The following KCNQ1OT1 variants were observed in gnomAD, a reference collection of about 807,000 sequenced individuals.
The protein encoded by KCNQ1OT1 is KCNQ1 antisense RNA 2 (non-protein coding).
chr11:2,677,657 T>G lies in KCNQ1OT1; in HGVS notation n.22338A>C. Reference sequence around the variant, plus strand: ...TGTAACTCTAACAACTGTTATTGCATATGAGATAAAATAATATTTTAACTA... The same window carrying G: ...TGTAACTCTAACAACTGTTATTGCAGATGAGATAAAATAATATTTTAACTA... On this transcript the variant is annotated non_coding_transcript_exon_variant, in exon 1 of 1. Coordinates refer to ENST00000597346, the Ensembl canonical transcript of KCNQ1OT1. This position sits in a 1 kb window ranked among gnomAD's most constrained non-coding sequence, Gnocchi z 4.5. The G allele has an allele frequency of 5.0e-6, 2 of 398,640 alleles. No individual in the cohort carries two copies. The highest frequency in any genetic ancestry group is 4.4e-6 in the Non-Finnish European group (1 of 226,058). The allele number at this position is 398,640 out of a possible 1,614,324, so 24.7% of individuals were successfully genotyped here. A position where few individuals can be genotyped will look rare whatever the true frequency, so the allele number is the denominator to read the frequency against.
exon 1 of KCNQ1OT1, chr11:2,640,733 G>A (rs914590589): frequency 2.5e-6 from 1 of 398,014 alleles, no homozygotes; most frequent in Non-Finnish European, 4.4e-6. Context: ...ACATTATATT[G>A]TTAAATATAG....
exon 1 of KCNQ1OT1, chr11:2,699,259 C>T (rs988674271): frequency 1.0e-5 from 4 of 398,690 alleles, no homozygotes; most frequent in African/African-American, 6.2e-5. Flanking sequence ...CAGATGGGAG[C>T]GCACTGCCCA....
At chr11:2,688,423 C>A (rs995887020) in exon 1 of KCNQ1OT1, 5 of 398,630 alleles carry the variant, frequency 1.3e-5, no homozygotes, top group African/African-American at 1.0e-4. Flanking sequence ...AGGCACTGGG[C>A]CCCAGCCCCT....
In KCNQ1OT1 at chr11:2,663,634, A is replaced by C; in HGVS notation, n.36361T>G. 1 of 398,674 alleles carries C rather than the reference A, an allele frequency of 2.5e-6. No individual in the cohort carries two copies. Among genetic ancestry groups the C allele is most frequent in the Non-Finnish European group, 4.4e-6 (1 of 226,102 alleles). 24.7% of individuals were successfully genotyped at this position (398,674 alleles called of 1,614,324 possible). The stretch of plus-strand genomic sequence containing the variant: ...TCACGGACCAGCATCCAGACATGCA[A>C]AAAGTCCTACTGGGAGGAGAGGGCC... On this transcript the variant is annotated non_coding_transcript_exon_variant, in exon 1 of 1. Coordinates refer to ENST00000597346, the Ensembl canonical transcript of KCNQ1OT1. This position sits in a 1 kb window ranked among gnomAD's most constrained non-coding sequence, Gnocchi z 5.2.
Position 2,658,463 on chromosome 11 carries a change from C to T in KCNQ1OT1, n.41532G>A, listed in dbSNP as rs1590011995. The T allele has an allele frequency of 2.5e-6, 1 of 398,414 alleles. No individual in the cohort carries two copies. Among genetic ancestry groups the T allele is most frequent in the Non-Finnish European group, 4.4e-6 (1 of 226,028 alleles). 24.7% of individuals were successfully genotyped at this position (398,414 alleles called of 1,614,324 possible). A position where few individuals can be genotyped will look rare whatever the true frequency, so the allele number is the denominator to read the frequency against. On this transcript the variant is annotated non_coding_transcript_exon_variant, in exon 1 of 1. Transcript: ENST00000597346. This position sits in a 1 kb window ranked among gnomAD's most constrained non-coding sequence, Gnocchi z 4.9. ...GGTTCATGTGTCCTTTTGATGTGCC[C>T]CCCGCCATCCTTTTCATTTATTTTT...
At chr11:2,684,827 C>G (rs1850456241) in exon 1 of KCNQ1OT1, 2 of 398,642 alleles carry the variant, frequency 5.0e-6, no homozygotes, top group Non-Finnish European at 4.4e-6. Context: ...GTCTCCTAGT[C>G]AAGGCCTCCT....
In KCNQ1OT1 at chr11:2,626,925, G is replaced by A; in HGVS notation, n.73070C>T. The A allele has an allele frequency of 5.0e-6, 2 of 398,558 alleles. No individual in the cohort carries two copies. The allele number at this position is 398,558 out of a possible 1,614,324, so 24.7% of individuals were successfully genotyped here. A position where few individuals can be genotyped will look rare whatever the true frequency, so the allele number is the denominator to read the frequency against. ...TTCAAGGTCCCTTGAGATTCCATGT[G>A]AATTTTAGGATGGGGTTTCTTCTTT... On this transcript the variant is annotated non_coding_transcript_exon_variant, in exon 1 of 1. Transcript: ENST00000597346. This position sits in a 1 kb window ranked among gnomAD's most constrained non-coding sequence, Gnocchi z 4.0.
chr11:2,643,253 T>C (rs1021080183), exon 1 of KCNQ1OT1: 1 of 398,282 alleles, frequency 2.5e-6, no homozygotes. Context: ...ATACTGGAAA[T>C]GGAGAATTGA....
In KCNQ1OT1 at chr11:2,664,407, G is replaced by T. The variant is rs1176904450; in HGVS notation, n.35588C>A. 1.8e-5 allele frequency: 7 copies of T among 398,578 alleles called. No individual in the cohort carries two copies. Among genetic ancestry groups the T allele is most frequent in the Middle Eastern group, 1.2e-3 (2 of 1,610 alleles). The allele number at this position is 398,578 out of a possible 1,614,324, so 24.7% of individuals were successfully genotyped here. ...CCAGAGAGGCCTGAAGGGGAGAGTG[G>T]GCACGTACAGTGTCAGGGCCTAGGA... On this transcript the variant is annotated non_coding_transcript_exon_variant, in exon 1 of 1. Coordinates refer to ENST00000597346, the Ensembl canonical transcript of KCNQ1OT1. This position sits in a 1 kb window ranked among gnomAD's most constrained non-coding sequence, Gnocchi z 5.1.
chr11:2,691,399 G>A lies in KCNQ1OT1; in HGVS notation n.8596C>T, dbSNP rs1217132203. On this transcript the variant is annotated non_coding_transcript_exon_variant, in exon 1 of 1. Transcript: ENST00000597346. The surrounding 1 kb of genome is among the most constrained non-coding windows in gnomAD (Gnocchi z 6.4). Reference sequence around the variant, plus strand: ...CTCTGGGTCTGGGCATAGAAGCCCAGGAACTGCTGTCTGTGGGGAGTCCAC... The same window carrying A: ...CTCTGGGTCTGGGCATAGAAGCCCAAGAACTGCTGTCTGTGGGGAGTCCAC... The A allele has an allele frequency of 5.0e-6, 2 of 398,542 alleles. No homozygotes were observed. The highest frequency in any genetic ancestry group is 7.1e-5 in the East Asian group (2 of 28,082). 24.7% of individuals were successfully genotyped at this position (398,542 alleles called of 1,614,324 possible). A position where few individuals can be genotyped will look rare whatever the true frequency, so the allele number is the denominator to read the frequency against.
rs770867573 is a variant in KCNQ1OT1, at chr11:2,690,639, G to A, written n.9356C>T. 4.0e-5 allele frequency: 16 copies of A among 398,532 alleles called. No individual in the cohort carries two copies. Among genetic ancestry groups the A allele is most frequent in the Admixed American group, 4.0e-4 (9 of 22,718 alleles). 24.7% of individuals were successfully genotyped at this position (398,532 alleles called of 1,614,324 possible). Reference sequence around the variant, plus strand: ...CATGTTCATATATGTGTCAGAATGCGTATTTGTCAGTGTATGTGTGTCAGT... The same window carrying A: ...CATGTTCATATATGTGTCAGAATGCATATTTGTCAGTGTATGTGTGTCAGT... On this transcript the variant is annotated non_coding_transcript_exon_variant, in exon 1 of 1. Coordinates refer to ENST00000597346, the Ensembl canonical transcript of KCNQ1OT1. The surrounding 1 kb of genome is among the most constrained non-coding windows in gnomAD (Gnocchi z 5.1).
exon 1 of KCNQ1OT1, chr11:2,644,843 C>T: frequency 2.5e-6 from 1 of 398,634 alleles, no homozygotes; most frequent in Non-Finnish European, 4.4e-6. Context: ...GGGAGTTCCT[C>T]TGTAGTTTAG....
exon 1 of KCNQ1OT1, chr11:2,609,048 T>C (rs1257604562): frequency 2.5e-6 from 1 of 398,358 alleles, no homozygotes; most frequent in Admixed American, 4.4e-5. Context: ...TAATATTTAT[T>C]ATTTTGTTTT....
chr11:2,673,019 G>C lies in KCNQ1OT1; in HGVS notation n.26976C>G. The C allele has an allele frequency of 2.5e-6, 1 of 398,668 alleles. No individual in the cohort carries two copies. The highest frequency in any genetic ancestry group is 4.4e-6 in the Non-Finnish European group (1 of 226,106). 24.7% of individuals were successfully genotyped at this position (398,668 alleles called of 1,614,324 possible). A position where few individuals can be genotyped will look rare whatever the true frequency, so the allele number is the denominator to read the frequency against. ...AAGCCAGTGAATCAATGTGTTACTT[G>C]AACAAATATAGGGTCTAGGGCTGGC... On this transcript the variant is annotated non_coding_transcript_exon_variant, in exon 1 of 1. Transcript: ENST00000597346. The surrounding 1 kb of genome is among the most constrained non-coding windows in gnomAD (Gnocchi z 4.5).
exon 1 of KCNQ1OT1, chr11:2,630,770 T>C (rs1301347314): frequency 7.5e-6 from 3 of 398,370 alleles, no homozygotes; most frequent in Non-Finnish European, 1.3e-5. Flanking sequence ...GCAAGAGTAG[T>C]TGCTGATAAA....
Position 2,658,222 on chromosome 11 carries a change from T to C in KCNQ1OT1, n.41773A>G, listed in dbSNP as rs1326017699. On this transcript the variant is annotated non_coding_transcript_exon_variant, in exon 1 of 1. Coordinates refer to ENST00000597346, the Ensembl canonical transcript of KCNQ1OT1. This position sits in a 1 kb window ranked among gnomAD's most constrained non-coding sequence, Gnocchi z 4.9. Reference sequence around the variant, plus strand: ...ACTAATTTCAGCATTCATTCATGGATCGTTTTCCTGCAGCAAATATTACCG... The same window carrying C: ...ACTAATTTCAGCATTCATTCATGGACCGTTTTCCTGCAGCAAATATTACCG... 2.5e-6 allele frequency: 1 copy of C among 398,486 alleles called. No homozygotes were observed. The highest frequency in any genetic ancestry group is 4.4e-5 in the Admixed American group (1 of 22,710). The allele number at this position is 398,486 out of a possible 1,614,324, so 24.7% of individuals were successfully genotyped here. A position where few individuals can be genotyped will look rare whatever the true frequency, so the allele number is the denominator to read the frequency against.
chr11:2,610,823 G>A (rs1040058465), exon 1 of KCNQ1OT1: 1 of 311,386 alleles, frequency 3.2e-6, no homozygotes, highest in African/African-American at 2.5e-5. Flanking sequence ...CTCCACATTT[G>A]TCTCCCTGAC....
In KCNQ1OT1 at chr11:2,679,485, C is replaced by T. The variant is rs1171704291; in HGVS notation, n.20510G>A. The T allele has an allele frequency of 7.5e-6, 3 of 398,480 alleles. No homozygotes were observed. Among genetic ancestry groups the T allele is most frequent in the African/African-American group, 2.1e-5 (1 of 48,618 alleles). 24.7% of individuals were successfully genotyped at this position (398,480 alleles called of 1,614,324 possible). On this transcript the variant is annotated non_coding_transcript_exon_variant, in exon 1 of 1. Coordinates refer to ENST00000597346, the Ensembl canonical transcript of KCNQ1OT1. The surrounding 1 kb of genome is among the most constrained non-coding windows in gnomAD (Gnocchi z 4.8). Reference sequence around the variant, plus strand: ...TAAAGTATGCAGAAAAGTGCCTGTCCTATAGTAGTGACACAGTGTTACTTA... The same window carrying T: ...TAAAGTATGCAGAAAAGTGCCTGTCTTATAGTAGTGACACAGTGTTACTTA...
chr11:2,618,129 G>C (rs1849099600), exon 1 of KCNQ1OT1: 1 of 398,226 alleles, frequency 2.5e-6, no homozygotes, highest in Non-Finnish European at 4.4e-6. Flanking sequence ...TTTCCCCTAT[G>C]TTTTCTTCTG....
Sources: allele counts gnomAD v4.1 joint callset, GRCh38; gene constraint gnomAD v4.1.1; non-coding constraint Gnocchi (gnomAD v3.1); transcripts MANE v1.5; gene names NCBI Gene and HGNC (gene_info 2026-07-23, HGNC 2026-07-21).